MICAL3: variants seen among roughly 807,000 people sequenced by gnomAD.
MICAL3 encodes microtubule associated monooxygenase, calponin and LIM domain containing 3.
MICAL3 carries 62 observed loss-of-function variants against 207.4 expected under a neutral mutation model. The ratio of observed to expected loss-of-function variants is 0.30; its 90% CI spans 0.24 to 0.37. The LOEUF (loss-of-function observed/expected upper bound fraction) is 0.37, where lower values mean the gene tolerates loss of function less well. MICAL3 is among the 10% of genes least tolerant of loss of function. The pLI is 1.00. For missense variants in MICAL3, 2,368 were observed against 2,635.6 expected (o/e 0.90, Z 2.22); for synonymous variants, 1,077 against 1,069.3 (o/e 1.01, Z -0.14).
At position 17,984,376 on chromosome 22, in the gene MICAL3, G is replaced by A. The variant is rs148536940; in HGVS notation, c.-75+39905C>T. On this transcript the variant is annotated intron_variant, in intron 1 of 31. Coordinates refer to ENST00000441493, the MANE Select transcript of MICAL3 (RefSeq NM_015241.3). ...CAGTGTTTCACCTAATCCTGCGAAC[G>A]CCTCTGCGAGGAAGGCCTCCCTGGA... Among the ~76,000 whole-genome samples, 916 of 152,334 alleles carry A rather than the reference G, an allele frequency of 6.0e-3. 6 individuals are homozygous for A. Among genetic ancestry groups the A allele is most frequent in the African/African-American group, 0.01 (425 of 41,578 alleles).
intron 19 of MICAL3, chr22:17,860,179 C>G (rs1926360375): frequency 2.4e-5 from 23 of 976,200 alleles, no homozygotes; most frequent in Non-Finnish European, 2.6e-5. Context: ...GGAATTTATT[C>G]TCTTAAATAA....
intron 19 of MICAL3, among the ~76,000 whole-genome samples, chr22:17,857,508 C>T (rs778894089): frequency 2.6e-5 from 4 of 152,212 alleles, no homozygotes; most frequent in Non-Finnish European, 4.4e-5. Flanking sequence ...TGGCTCTTCT[C>T]CCGCAGGTGC....
chr22:17,943,933 G>A (rs1009933876), intron 1 of MICAL3, among the ~76,000 whole-genome samples: 1 of 152,122 alleles, frequency 6.6e-6, no homozygotes, highest in Non-Finnish European at 1.5e-5. Context: ...GAGAAGCAGA[G>A]GACAAAAACC....
At chr22:17,961,066 C>A (rs1249990926) in intron 1 of MICAL3, among the ~76,000 whole-genome samples, 3 of 152,130 alleles carry the variant, frequency 2.0e-5, no homozygotes. Context: ...TGGTTGCCAG[C>A]TGCCAGCACA....
chr22:17,861,392 G>A lies in MICAL3; in HGVS notation c.2605+3507C>T, dbSNP rs572525910. 1.6e-5 allele frequency: 16 copies of A among 985,418 alleles called. No homozygotes were observed. In the African/African-American group the frequency reaches 2.1e-4, roughly 13 times the overall value. 61.0% of individuals were successfully genotyped at this position (985,418 alleles called of 1,614,324 possible). ...TTCCATAAGATGACAGGAAACTAAC[G>A]TGCTTCTCCCCGTCCATCTCTGGCC... On this transcript the variant is annotated intron_variant, in intron 19 of 31. Transcript: ENST00000441493.
At position 17,791,717 on chromosome 22, in the gene MICAL3, A is replaced by G. The variant is rs987344648; in HGVS notation, c.5651-416T>C. 5.8e-5 allele frequency: 12 copies of G among 206,866 alleles called. No individual in the cohort carries two copies. In the Admixed American group the frequency reaches 6.3e-4, roughly 11 times the overall value. The allele number at this position is 206,866 out of a possible 1,614,324, so 12.8% of individuals were successfully genotyped here. A position where few individuals can be genotyped will look rare whatever the true frequency, so the allele number is the denominator to read the frequency against. ...AGACAAATGTGAATTTGTAAACTGC[A>G]CCCTGCCCTCAGGTCATGCTCATTT... On this transcript the variant is annotated intron_variant, in intron 29 of 31. Transcript: ENST00000441493.
At chr22:17,966,418 C>A (rs964011311) in intron 1 of MICAL3, among the ~76,000 whole-genome samples, 1 of 152,204 alleles carries the variant, frequency 6.6e-6, no homozygotes, top group African/African-American at 2.4e-5. Flanking sequence ...CCTTTCTGAG[C>A]CCCTCCACCT....
At chr22:17,849,686 GTATTTTTT>G (rs1925071883) in intron 19 of MICAL3, among the ~76,000 whole-genome samples, 1 of 56,192 alleles carries the variant, frequency 1.8e-5, no homozygotes, top group African/African-American at 6.5e-5. Context: ...GTGTGTGTGT[GTATTTTTT>G]TTTTTTTTTT....
chr22:17,928,222 G>A (rs984842868), intron 1 of MICAL3, among the ~76,000 whole-genome samples: 5 of 152,026 alleles, frequency 3.3e-5, no homozygotes, highest in Non-Finnish European at 5.9e-5. Flanking sequence ...GGCGCATCAC[G>A]AGGTCAGGAG....
At chr22:17,820,945 TATAA>T (rs1209758805) in intron 25 of MICAL3, among the ~76,000 whole-genome samples, 1 of 142,934 alleles carries the variant, frequency 7.0e-6, no homozygotes, top group African/African-American at 2.6e-5. Context: ...AATTTATGTT[TATAA>T]ACATAAATTT....
intron 1 of MICAL3, among the ~76,000 whole-genome samples, chr22:18,016,510 C>T (rs539779132): frequency 6.8e-6 from 1 of 147,968 alleles, no homozygotes; most frequent in South Asian, 2.1e-4. Context: ...TTTGTAGTCA[C>T]ATTCTCCCTC....
At chr22:17,972,236 CA>C (rs556428827) in intron 1 of MICAL3, among the ~76,000 whole-genome samples, 1 of 151,998 alleles carries the variant, frequency 6.6e-6, no homozygotes, top group Non-Finnish European at 1.5e-5. Flanking sequence ...AAACAAAAAA[CA>C]AAAAAATCTT....
chr22:17,791,406 C>A, intron 29 of MICAL3, 105 bp from the exon 30 acceptor site: 1 of 997,148 alleles, frequency 1.0e-6, no homozygotes, highest in South Asian at 1.4e-5. Flanking sequence ...AAGATGCTGC[C>A]GGAACTTCCA....
At chr22:17,885,628 T>G (rs1294413886) in intron 16 of MICAL3, among the ~76,000 whole-genome samples, 2 of 152,028 alleles carry the variant, frequency 1.3e-5, no homozygotes, top group Non-Finnish European at 2.9e-5. Context: ...AATACAGATT[T>G]TTTTTAGATC....
intron 1 of MICAL3, among the ~76,000 whole-genome samples, chr22:17,990,683 T>C (rs536494499): frequency 2.4e-4 from 37 of 152,262 alleles, no homozygotes; most frequent in African/African-American, 8.7e-4. Flanking sequence ...AGCTCCACCA[T>C]TTACCGGGTG....
chr22:17,952,687 C>T (rs1470804727), intron 1 of MICAL3, among the ~76,000 whole-genome samples: 3 of 149,658 alleles, frequency 2.0e-5, no homozygotes, highest in African/African-American at 7.7e-5. Flanking sequence ...GTGGAGAGGT[C>T]CACACAGGCG....
intron 16 of MICAL3, chr22:17,876,823 AGGTT>A: frequency 8.6e-6 from 1 of 115,754 alleles, no homozygotes; most frequent in South Asian, 2.6e-4. Context: ...GAGGTTAGGG[AGGTT>A]ATGGAGGTTA....
intron 8 of MICAL3, 116 bp downstream of exon 8, chr22:17,896,608 G>T: frequency 9.2e-7 from 1 of 1,089,382 alleles, no homozygotes; most frequent in Non-Finnish European, 1.3e-6. Flanking sequence ...ACTCCTGCAG[G>T]GAGTTTACCT....
At position 17,968,041 on chromosome 22, in the gene MICAL3, C is replaced by CAA. The variant is rs34366249; in HGVS notation, c.-75+56238_-75+56239dup. On this transcript the variant is annotated intron_variant, in intron 1 of 31. Coordinates refer to ENST00000441493, the MANE Select transcript of MICAL3 (RefSeq NM_015241.3). Reference sequence around the variant, plus strand: ...TGGATGACAGAGTGAGACTCCGTCTCAAAAAAAAAAAAGAGTAAAATTTAA... The same window carrying CAA: ...TGGATGACAGAGTGAGACTCCGTCTCAAAAAAAAAAAAAAGAGTAAAATTTAA... Among the ~76,000 whole-genome samples, 611 of 127,042 alleles carry CAA rather than the reference C, an allele frequency of 4.8e-3. 5 individuals carry two copies. Among genetic ancestry groups the CAA allele is most frequent in the African/African-American group, 0.015 (561 of 36,222 alleles). 83.3% of individuals were successfully genotyped at this position (127,042 alleles called of 152,430 possible). A position where few individuals can be genotyped will look rare whatever the true frequency, so the allele number is the denominator to read the frequency against.
Sources: gnomAD v4.1 joint callset for allele counts (sites outside exome capture counted in the v4.1 genomes callset) on GRCh38, gnomAD v4.1.1 for gene constraint, MANE v1.5 for transcripts, NCBI Gene and HGNC (gene_info 2026-07-23, HGNC 2026-07-21) for gene names.